Variants in FYB2 observed in about 807,000 individuals in gnomAD.
FYB2 encodes the protein FYN-binding protein 2.
A neutral mutation model predicts 94.1 loss-of-function variants in FYB2; 103 were observed. That is an observed-to-expected ratio of 1.09 (90% confidence interval 0.93 to 1.29). The LOEUF is 1.29. FYB2 is among the 50% of genes most tolerant of loss of function. The pLI, the probability that FYB2 is intolerant of heterozygous loss-of-function variation, is 0.00. For missense variants in FYB2, 896 were observed against 841.5 expected (o/e 1.06, Z -0.80); for synonymous variants, 293 against 287.9 (o/e 1.02, Z -0.18).
chr1:56,788,935 C>A, intron 3 of FYB2, 38 bp downstream of exon 3: 1 of 1,612,630 alleles, frequency 6.2e-7, no homozygotes, highest in Non-Finnish European at 8.5e-7. Flanking sequence ...GAGGTGACTC[C>A]TGGTTGGCCT....
chr1:56,768,752 T>C (rs1043224318), intron 4 of FYB2, among the ~76,000 whole-genome samples: 3 of 152,188 alleles, frequency 2.0e-5, no homozygotes, highest in African/African-American at 4.8e-5. Context: ...GGAGATGAGC[T>C]GCAGTAAGAT....
chr1:56,719,788 T>C (rs1019327246), intron 19 of FYB2, 96 bp from the exon 20 acceptor site: 1 of 1,208,336 alleles, frequency 8.3e-7, no homozygotes, highest in Admixed American at 2.2e-5. Flanking sequence ...TAGTTTAATA[T>C]GTTTGTGTTC....
upstream of FYB2, among the ~76,000 whole-genome samples, chr1:56,823,287 G>T (rs531734154): frequency 6.6e-6 from 1 of 152,068 alleles, no homozygotes; most frequent in Admixed American, 6.6e-5. Context: ...AAGGGGTTGA[G>T]GGAGTGGACC....
intron 9 of FYB2, among the ~76,000 whole-genome samples, chr1:56,750,295 C>T (rs1359606698): frequency 6.6e-6 from 1 of 152,024 alleles, no homozygotes; most frequent in South Asian, 2.1e-4. Flanking sequence ...ACCATTTGCA[C>T]ATGAAAGTAA....
At chr1:56,785,481 T>A (rs1646113183) in intron 4 of FYB2, among the ~76,000 whole-genome samples, 1 of 152,216 alleles carries the variant, frequency 6.6e-6, no homozygotes, top group Non-Finnish European at 1.5e-5. Context: ...TCCACTGACC[T>A]GTCTTGTGCT....
chr1:56,788,245 CT>C (rs1646176597), intron 3 of FYB2, among the ~76,000 whole-genome samples: 2 of 152,224 alleles, frequency 1.3e-5, no homozygotes, highest in Non-Finnish European at 2.9e-5. Context: ...ACTGTGTTAG[CT>C]GTCTCAGTGT....
At chr1:56,804,936 T>C (rs1177550263) in intron 1 of FYB2, among the ~76,000 whole-genome samples, 2 of 152,160 alleles carry the variant, frequency 1.3e-5, no homozygotes, top group Non-Finnish European at 2.9e-5. Context: ...AACTCACCCC[T>C]GCAGTAAAAC....
At chr1:56,796,387 C>T (rs1646398083) in intron 1 of FYB2, among the ~76,000 whole-genome samples, 1 of 152,078 alleles carries the variant, frequency 6.6e-6, no homozygotes, top group Non-Finnish European at 1.5e-5. Flanking sequence ...GCTGCCGCAG[C>T]TAGTCAATCC....
chr1:56,783,604 T>C (rs1245959561), intron 4 of FYB2, among the ~76,000 whole-genome samples: 1 of 152,176 alleles, frequency 6.6e-6, no homozygotes, highest in Admixed American at 6.5e-5. Context: ...CCAAAGAGTG[T>C]ATCTTAGACA....
chr1:56,750,952 T>A, intron 9 of FYB2, 92 bp downstream of exon 9: 1 of 1,432,910 alleles, frequency 7.0e-7, no homozygotes, highest in Non-Finnish European at 9.5e-7. Context: ...AGATGTTCAA[T>A]AAATATTGGT....
chr1:56,758,745 A>C lies in FYB2; in HGVS notation c.1069T>G (p.Tyr357Asp), dbSNP rs755476205. ...TGGAGTTCTTCAATTCCAACTTCATAAGTTGCTAAAGTAAACATAAAAAAA... is the reference window on the plus strand; with the variant it reads ...TGGAGTTCTTCAATTCCAACTTCATCAGTTGCTAAAGTAAACATAAAAAAA... The part of the protein sequence containing the change: ...CTAKEIADPT[Y>D]EVGIEELQKP... Residue 357 changes from tyrosine (Y) to aspartate (D), a missense_variant, in exon 6 of 20, where the codon TAT becomes GAT. Tyr to Asp is a radical substitution (Grantham distance 160). Transcript: ENST00000343433. 6.3e-7 allele frequency: 1 copy of C among 1,596,662 alleles called. No individual in the cohort carries two copies. The highest frequency in any genetic ancestry group is 8.5e-7 in the Non-Finnish European group (1 of 1,170,912).
At position 56,718,858 on chromosome 1, in the gene FYB2, AC is replaced by A. The variant is rs1482010056; in HGVS notation, c.*812del. 2.6e-5 allele frequency: 4 copies of A among 152,634 alleles called. No homozygotes were observed. 9.5% of individuals were successfully genotyped at this position (152,634 alleles called of 1,614,324 possible). ...ACATGCAGTGCACCTCATTTAAAAA[AC>A]AGAATAGATGTCAGCTTTTAAATTT... On this transcript the variant is annotated 3_prime_UTR_variant, in exon 20 of 20. Transcript: ENST00000343433.
chr1:56,730,920 A>G (rs1166450176), intron 15 of FYB2, among the ~76,000 whole-genome samples: 1 of 152,132 alleles, frequency 6.6e-6, no homozygotes, highest in East Asian at 1.9e-4. Flanking sequence ...CAGCACATCA[A>G]AAAGATAATA....
intron 1 of FYB2, among the ~76,000 whole-genome samples, chr1:56,807,791 A>G (rs17114389): frequency 0.015 from 2,222 of 152,310 alleles, 61 homozygotes; most frequent in African/African-American, 0.051. Flanking sequence ...TATGCTCTGG[A>G]CTTTGGAATC....
At chr1:56,724,236 A>G (rs769728662) in intron 16 of FYB2, among the ~76,000 whole-genome samples, 19 of 152,048 alleles carry the variant, frequency 1.2e-4, no homozygotes, top group Non-Finnish European at 2.1e-4. Flanking sequence ...AGTTTGCTGA[A>G]TGTTTTGGAG....
chr1:56,770,578 T>G (rs1025292242), intron 4 of FYB2, among the ~76,000 whole-genome samples: 2 of 152,188 alleles, frequency 1.3e-5, no homozygotes, highest in African/African-American at 2.4e-5. Context: ...AACTGAAATT[T>G]ATTCCGAGAC....
At chr1:56,747,257 T>C (rs57760193) in intron 9 of FYB2, among the ~76,000 whole-genome samples, 1 of 149,688 alleles carries the variant, frequency 6.7e-6, no homozygotes, top group African/African-American at 2.4e-5. Context: ...TTTTTTAACT[T>C]TTTTTTTTTA....
upstream of FYB2, chr1:56,824,622 T>TA (rs1647014017): frequency 6.6e-6 from 1 of 152,270 alleles, no homozygotes; most frequent in Non-Finnish European, 1.5e-5. Flanking sequence ...GGCAGGTATG[T>TA]GCACATCCCA....
chr1:56,800,684 G>T (rs1646499808), intron 1 of FYB2, among the ~76,000 whole-genome samples: 1 of 152,062 alleles, frequency 6.6e-6, no homozygotes, highest in Non-Finnish European at 1.5e-5. Context: ...TTTCAGTTAA[G>T]TGTTACAAAG....
Sources: allele counts gnomAD v4.1 joint callset (sites outside exome capture counted in the v4.1 genomes callset), GRCh38; gene constraint gnomAD v4.1.1; transcripts MANE v1.5; gene names NCBI Gene and HGNC (gene_info 2026-07-23, HGNC 2026-07-21).